KIF1A: variants seen among roughly 807,000 people sequenced by gnomAD.
KIF1A encodes kinesin family member 1A.
In KIF1A, 46 loss-of-function variants were observed where a neutral mutation model predicts 227.3. The observed-to-expected ratio is 0.20, with a 90% CI of 0.16 to 0.26. The LOEUF (loss-of-function observed/expected upper bound fraction) is 0.26, where lower values mean the gene tolerates loss of function less well. Ranked by LOEUF, KIF1A falls within the 10% of genes least tolerant of loss-of-function variation. KIF1A has a pLI of 1.00. For synonymous variants in KIF1A, 1,022 were observed against 1,012.8 expected, an observed-to-expected ratio of 1.01 and a Z score of -0.17; for missense variants, 1,683 against 2,485.9, an observed-to-expected ratio of 0.68 and a Z score of 6.87.
intron 23 of KIF1A, among the ~76,000 whole-genome samples, chr2:240,762,208 C>G (rs1353227722): frequency 6.6e-6 from 1 of 152,246 alleles, no homozygotes; most frequent in African/African-American, 2.4e-5. Flanking sequence ...CCCTCCCCAC[C>G]TGCATGTGGG....
chr2:240,739,989 A>G lies in KIF1A; in HGVS notation c.3901+69T>C. The G allele has an allele frequency of 7.9e-7, 1 of 1,260,002 alleles. No homozygotes were observed. Among genetic ancestry groups the G allele is most frequent in the Non-Finnish European group, 1.1e-6 (1 of 883,570 alleles). The allele number at this position is 1,260,002 out of a possible 1,614,324, so 78.1% of individuals were successfully genotyped here. ...AGGTGTGGTTAGAACCCGGGTATCCAGCTCAGGGCCTGTACTCTTCCCACC... is the reference window on the plus strand; with the variant it reads ...AGGTGTGGTTAGAACCCGGGTATCCGGCTCAGGGCCTGTACTCTTCCCACC... On this transcript the variant is annotated intron_variant, in intron 37 of 48. Coordinates refer to ENST00000498729, the MANE Select transcript of KIF1A (RefSeq NM_001244008.2). This position sits in a 1 kb window ranked among gnomAD's most constrained non-coding sequence, Gnocchi z 5.6.
intron 2 of KIF1A, among the ~76,000 whole-genome samples, chr2:240,794,666 C>T (rs534318847): frequency 9.2e-5 from 14 of 152,360 alleles, no homozygotes; most frequent in African/African-American, 3.4e-4. Context: ...CACCTTTGAC[C>T]ACTTGCTGGA....
intron 10 of KIF1A, among the ~76,000 whole-genome samples, chr2:240,780,872 ACACACACAGCTC>A (rs2053675969): frequency 2.5e-5 from 3 of 119,208 alleles, no homozygotes; most frequent in African/African-American, 8.4e-5. Flanking sequence ...ACAGCTCCAC[ACACACACAGCTC>A]CACACACACA....
rs1358411825 is a variant in KIF1A at position 240,758,012 on chromosome 2, C to T, written c.2582+348G>A. On this transcript the variant is annotated intron_variant, in intron 26 of 48. Coordinates refer to ENST00000498729, the MANE Select transcript of KIF1A (RefSeq NM_001244008.2). This position sits in a 1 kb window ranked among gnomAD's most constrained non-coding sequence, Gnocchi z 5.2. Reference sequence around the variant, plus strand: ...TAAGGCTCAGGTGACACAGCCCTGCCTCCATGTTCCCACCCTCAGGACCAA... The same window carrying T: ...TAAGGCTCAGGTGACACAGCCCTGCTTCCATGTTCCCACCCTCAGGACCAA... 1.3e-5 allele frequency among the ~76,000 whole-genome samples: 2 copies of T among 152,240 alleles called. No individual in the cohort carries two copies. The highest frequency in any genetic ancestry group is 2.9e-5 in the Non-Finnish European group (2 of 68,036).
chr2:240,746,610 C>A (rs778847474), intron 29 of KIF1A, among the ~76,000 whole-genome samples: 8 of 152,206 alleles, frequency 5.3e-5, no homozygotes, highest in Non-Finnish European at 8.8e-5. Flanking sequence ...GGGAGTAGGG[C>A]ACCCAGGTTC....
intron 48 of KIF1A, 144 bp from the exon 49 acceptor site, chr2:240,717,550 A>G: frequency 1.4e-6 from 1 of 720,192 alleles, no homozygotes; most frequent in Non-Finnish European, 2.4e-6. Context: ...TGGGGAAGGG[A>G]CTGAATCTCT....
rs2055477361 is a variant in KIF1A, at chr2:240,790,098, C to G, written c.107-786G>C. Among the ~76,000 whole-genome samples, 1 of 152,216 alleles carries G rather than the reference C, an allele frequency of 6.6e-6. No homozygotes were observed. The highest frequency in any genetic ancestry group is 2.1e-4 in the South Asian group (1 of 4,836). ...CAGCACACCCACTGCCACCTTCCAT[C>G]CTTGCCCCCAGCATTTCCCAGGCCC... On this transcript the variant is annotated intron_variant, in intron 2 of 48. Coordinates refer to ENST00000498729, the MANE Select transcript of KIF1A (RefSeq NM_001244008.2). This position sits in a 1 kb window ranked among gnomAD's most constrained non-coding sequence, Gnocchi z 5.0.
rs2051682760 is a variant in KIF1A at position 240,769,614 on chromosome 2, C to T, written c.1421+13G>A. The T allele has an allele frequency of 1.9e-6, 3 of 1,609,864 alleles. No individual in the cohort carries two copies. Among genetic ancestry groups the T allele is most frequent in the East Asian group, 2.2e-5 (1 of 44,828 alleles). Reference sequence around the variant, plus strand: ...CACCCCTCCCCCTGGGCCTCAGTTTCCCCGCTGCACACCTCTCCATCCGGA... The same window carrying T: ...CACCCCTCCCCCTGGGCCTCAGTTTTCCCGCTGCACACCTCTCCATCCGGA... On this transcript the variant is annotated intron_variant, in intron 16 of 48. Transcript: ENST00000498729.
intron 32 of KIF1A, among the ~76,000 whole-genome samples, chr2:240,745,046 C>A (rs2048421969): frequency 2.6e-5 from 4 of 152,136 alleles, no homozygotes; most frequent in Admixed American, 2.6e-4. Context: ...CGGGACGTTG[C>A]CGGCACCCTG....
intron 10 of KIF1A, among the ~76,000 whole-genome samples, chr2:240,779,545 TAGTTCCACTC>T: frequency 7.1e-6 from 1 of 141,614 alleles, no homozygotes; most frequent in South Asian, 2.4e-4. Context: ...CAGTTCCTCA[TAGTTCCACTC>T]AGTTCCTCAC....
chr2:240,750,871 C>T (rs758959226), intron 27 of KIF1A, among the ~76,000 whole-genome samples: 1 of 152,244 alleles, frequency 6.6e-6, no homozygotes, highest in African/African-American at 2.4e-5. Context: ...TCAAGGAGGA[C>T]GGGGGCCAGA....
intron 1 of KIF1A, among the ~76,000 whole-genome samples, chr2:240,812,136 C>T (rs920818147): frequency 1.3e-5 from 2 of 152,216 alleles, no homozygotes; most frequent in African/African-American, 4.8e-5. Context: ...ACTGCAGGCA[C>T]AGAGGGCAGG....
chr2:240,789,188 C>T lies in KIF1A; in HGVS notation c.183+48G>A. ...TTGAGGGACCCCGAGGGCCACATGG[C>T]CTATGCACTGCTGCCCCCGCCTCCC... On this transcript the variant is annotated intron_variant, in intron 3 of 48. Transcript: ENST00000498729. This position sits in a 1 kb window ranked among gnomAD's most constrained non-coding sequence, Gnocchi z 4.8. 1 of 1,470,782 alleles carries T rather than the reference C, an allele frequency of 6.8e-7. No homozygotes were observed. Among genetic ancestry groups the T allele is most frequent in the South Asian group, 1.1e-5 (1 of 88,058 alleles). The allele number at this position is 1,470,782 out of a possible 1,614,324, so 91.1% of individuals were successfully genotyped here.
At chr2:240,780,665 T>A (rs2053542647) in intron 10 of KIF1A, among the ~76,000 whole-genome samples, 1 of 151,684 alleles carries the variant, frequency 6.6e-6, no homozygotes, top group Non-Finnish European at 1.5e-5. Flanking sequence ...TTCCTCGGGT[T>A]CCCACCACGG....
chr2:240,783,962 A>C (rs2054397012), intron 7 of KIF1A, 146 bp from the exon 8 acceptor site: 2 of 661,430 alleles, frequency 3.0e-6, no homozygotes, highest in Admixed American at 4.6e-5. Context: ...CAGGCCCAGC[A>C]GTCCTGACCC....
intron 8 of KIF1A, 25 bp downstream of exon 8, chr2:240,783,714 C>T: frequency 6.5e-7 from 1 of 1,542,976 alleles, no homozygotes; most frequent in Non-Finnish European, 8.8e-7. Context: ...GGACACGGGT[C>T]CCCGCATGGC....
intron 38 of KIF1A, among the ~76,000 whole-genome samples, chr2:240,735,118 A>G (rs1464727193): frequency 1.3e-5 from 2 of 152,166 alleles, no homozygotes; most frequent in East Asian, 1.9e-4. Flanking sequence ...GACAGTCCCC[A>G]AGACTGCTCC....
At chr2:240,773,679 G>A (rs1406749806) in intron 12 of KIF1A, among the ~76,000 whole-genome samples, 2 of 152,198 alleles carry the variant, frequency 1.3e-5, no homozygotes, top group African/African-American at 4.8e-5. Context: ...GCTAGTACAT[G>A]AACCTCTATT....
At chr2:240,769,331 G>T in intron 16 of KIF1A, 123 bp from the exon 17 acceptor site, 1 of 767,592 alleles carries the variant, frequency 1.3e-6, no homozygotes, top group Non-Finnish European at 2.1e-6. Context: ...GCCCATGCGT[G>T]TCCCATCTGG....
Sources: allele counts gnomAD v4.1 joint callset (sites outside exome capture counted in the v4.1 genomes callset), GRCh38; gene constraint gnomAD v4.1.1; non-coding constraint Gnocchi (gnomAD v3.1); transcripts MANE v1.5; gene names NCBI Gene and HGNC (gene_info 2026-07-23, HGNC 2026-07-21).